USP20: variants seen among roughly 807,000 people sequenced by gnomAD.
The protein encoded by USP20 is ubiquitin carboxyl-terminal hydrolase 20.
In USP20, 80 loss-of-function variants were observed where a neutral mutation model predicts 124.2. That is an observed-to-expected ratio of 0.64 (90% confidence interval 0.54 to 0.78). The LOEUF (loss-of-function observed/expected upper bound fraction) is 0.78. Among genes scored for constraint, USP20 ranks in the 30% least tolerant of loss-of-function variants. The pLI is 0.00. For missense variants in USP20, 1,043 were observed against 1,244.4 expected (o/e 0.84, Z 2.44); for synonymous variants, 481 against 512.3 (o/e 0.94, Z 0.83).
intron 6 of USP20, among the ~76,000 whole-genome samples, chr9:129,860,569 A>G (rs981845635): frequency 2.6e-5 from 4 of 152,124 alleles, no homozygotes; most frequent in African/African-American, 9.7e-5. Context: ...TGGGCAATAT[A>G]AAAAGGTTAG....
intron 15 of USP20, 122 bp downstream of exon 15, chr9:129,870,669 C>T (rs1226632484): frequency 1.1e-5 from 13 of 1,162,824 alleles, no homozygotes; most frequent in Non-Finnish European, 1.2e-5. Context: ...CTAGACTTGG[C>T]TTCCAAGGTT....
At chr9:129,855,810 G>T (rs866477000) in intron 3 of USP20, among the ~76,000 whole-genome samples, 1 of 152,128 alleles carries the variant, frequency 6.6e-6, no homozygotes, top group African/African-American at 2.4e-5. Context: ...CGCCCAGACC[G>T]CCAGAAACCT....
chr9:129,875,085 A>C, intron 19 of USP20, 130 bp downstream of exon 19: 1 of 1,426,476 alleles, frequency 7.0e-7, no homozygotes, highest in East Asian at 2.5e-5. Context: ...GATTGTTAAG[A>C]AACAGCCCTC....
intron 22 of USP20, 133 bp from the exon 23 acceptor site, chr9:129,878,205 C>T: frequency 2.8e-6 from 2 of 712,248 alleles, no homozygotes; most frequent in East Asian, 2.8e-5. Flanking sequence ...TTTGATTTTT[C>T]ACCTTGAGTA....
intron 8 of USP20, 47 bp downstream of exon 8, chr9:129,861,659 C>T (rs1422918594): frequency 6.3e-7 from 1 of 1,585,830 alleles, no homozygotes; most frequent in Non-Finnish European, 8.7e-7. Context: ...CCTGGCAAAG[C>T]CCCGGAAACA....
Position 129,874,821 on chromosome 9 carries a change from C to T in USP20, c.1922-8C>T, listed in dbSNP as rs768721410. 1.5e-5 allele frequency: 24 copies of T among 1,613,956 alleles called. No homozygotes were observed. The highest frequency in any genetic ancestry group is 1.6e-4 in the Middle Eastern group (1 of 6,084). On this transcript the variant is annotated splice_region_variant and splice_polypyrimidine_tract_variant and intron_variant, in intron 18 of 25. Transcript: ENST00000372429. The stretch of plus-strand genomic sequence containing the variant: ...GATCCCTGTGACCCGTCTGCTCTGC[C>T]GCCGCAGGTGGGCACTACATCGCCT...
Position 129,845,498 on chromosome 9 carries a change from G to T in USP20, c.-128-4315G>T, listed in dbSNP as rs142553806. Reference sequence around the variant, plus strand: ...CAGCTCTCTCTCTAGTGAGAGAGGGGACTTCTGAGAGGAAAAGCATTTTTT... The same window carrying T: ...CAGCTCTCTCTCTAGTGAGAGAGGGTACTTCTGAGAGGAAAAGCATTTTTT... On this transcript the variant is annotated intron_variant, in intron 1 of 25. Transcript: ENST00000372429. 3.3e-3 allele frequency among the ~76,000 whole-genome samples: 495 copies of T among 152,276 alleles called. 9 individuals carry two copies. The South Asian group carries it at 0.048, about 15-fold the overall frequency.
At chr9:129,837,853 G>C (rs367933790) in intron 1 of USP20, among the ~76,000 whole-genome samples, 12 of 152,234 alleles carry the variant, frequency 7.9e-5, no homozygotes, top group African/African-American at 2.9e-4. Flanking sequence ...CTGTAAGCTT[G>C]AACTTTATTT....
chr9:129,878,548 G>GC (rs1282983963), intron 23 of USP20, 108 bp downstream of exon 23: 2 of 952,222 alleles, frequency 2.1e-6, no homozygotes. Flanking sequence ...CCCCATGCCT[G>GC]CCCCCAGGTG....
chr9:129,854,590 C>T (rs572459267), intron 3 of USP20, among the ~76,000 whole-genome samples: 2 of 152,186 alleles, frequency 1.3e-5, no homozygotes, highest in South Asian at 4.2e-4. Context: ...ATATAGATGT[C>T]ATCTGAATTG....
At chr9:129,867,555 G>A (rs1211467074) in intron 10 of USP20, among the ~76,000 whole-genome samples, 1 of 152,026 alleles carries the variant, frequency 6.6e-6, no homozygotes, top group South Asian at 2.1e-4. Context: ...CAGGACTCGG[G>A]TGAGTCCTCT....
At chr9:129,874,481 G>A (rs1326022483) in intron 17 of USP20, 95 bp from the exon 18 acceptor site, 1 of 1,505,724 alleles carries the variant, frequency 6.6e-7, no homozygotes, top group African/African-American at 1.4e-5. Flanking sequence ...GAGTCAGCTT[G>A]CATGATCCCA....
In USP20 at chr9:129,879,601, G is replaced by T. The variant is rs1423803764; in HGVS notation, c.2541G>T (p.Arg847Ser). The T allele has an allele frequency of 6.2e-7, 1 of 1,613,760 alleles. No individual in the cohort carries two copies. Among genetic ancestry groups the T allele is most frequent in the Non-Finnish European group, 8.5e-7 (1 of 1,180,006 alleles). Residue 847 changes from arginine to serine, a missense_variant, in exon 24 of 26, where the codon AGG (arginine) becomes AGT (serine). By Grantham distance (110) the Arg-to-Ser change is moderately radical. Coordinates refer to ENST00000372429, the MANE Select transcript of USP20 (RefSeq NM_001110303.4). This position sits in a 1 kb window ranked among gnomAD's most constrained non-coding sequence, Gnocchi z 4.2. ...NEPPGPIDNSRIAQVKGSGHV... is the reference protein window; with the variant it reads ...NEPPGPIDNSSIAQVKGSGHV... ...CCCCCGGGCCCATTGACAACAGCAG[G>T]ATTGCACAGGTCAAAGGAAGCGGCC...
chr9:129,872,206 G>A lies in USP20; in HGVS notation c.1661-1276G>A, dbSNP rs535487537. ...CTCACTCTGTCACCCAGGCTGGAGT[G>A]CAATGGCATGATCTTGGCTCACTGC... On this transcript the variant is annotated intron_variant, in intron 15 of 25. Transcript: ENST00000372429. Among the ~76,000 whole-genome samples, 75 of 152,044 alleles carry A rather than the reference G, an allele frequency of 4.9e-4. 1 individual carries two copies. The highest frequency in any genetic ancestry group is 1.7e-3 in the African/African-American group (69 of 41,456).
chr9:129,860,887 A>C (rs1348105479), intron 6 of USP20, 50 bp from the exon 7 acceptor site: 2 of 1,590,710 alleles, frequency 1.3e-6, no homozygotes, highest in South Asian at 2.2e-5. Context: ...TGGGCCTCTG[A>C]CCCCAGCCCC....
At chr9:129,878,234 C>A in intron 22 of USP20, 104 bp from the exon 23 acceptor site, 2 of 911,466 alleles carry the variant, frequency 2.2e-6, no homozygotes, top group Non-Finnish European at 3.5e-6. Flanking sequence ...TTTTGTAAGA[C>A]TCTTGGGTGA....
Position 129,880,218 on chromosome 9 carries a change from G to A in USP20, c.2690G>A (p.Gly897Asp). 6.2e-7 allele frequency: 1 copy of A among 1,613,374 alleles called. No homozygotes were observed. Residue 897 changes from glycine (G) to aspartate (D), a missense_variant, in exon 25 of 26, where the codon GGC (glycine) becomes GAC (aspartate). By Grantham distance (94) the Gly-to-Asp change is moderately conservative. Transcript: ENST00000372429. ...AIRQSVAQPL[G>D]PENLHGEQKI... ...CGCCAGAGTGTGGCGCAGCCGCTGG[G>A]CCCAGAGAACCTGCACGGGGAGCAG...
chr9:129,858,563 C>T lies in USP20; in HGVS notation c.295C>T (p.Pro99Ser), dbSNP rs746041872. The T allele has an allele frequency of 6.2e-7, 1 of 1,614,040 alleles. No individual in the cohort carries two copies. The highest frequency in any genetic ancestry group is 8.5e-7 in the Non-Finnish European group (1 of 1,180,024). Residue 99 changes from proline (P) to serine (S), a missense_variant, in exon 6 of 26, where the codon CCT (proline) becomes TCT (serine). By Grantham distance (74) the Pro-to-Ser change is moderately conservative. Coordinates refer to ENST00000372429, the MANE Select transcript of USP20 (RefSeq NM_001110303.4). Reference protein sequence around the residue: ...EVFLEQRLAAPLLGSSSKFSE... With the variant: ...EVFLEQRLAASLLGSSSKFSE... ...ATTCCTGGAGCAGCGGCTGGCAGCCCCTCTGCTGGGCTCCTCTTCCAAGTT... is the reference window on the plus strand; with the variant it reads ...ATTCCTGGAGCAGCGGCTGGCAGCCTCTCTGCTGGGCTCCTCTTCCAAGTT...
rs1455596361 is a variant in USP20 at position 129,870,517 on chromosome 9, G to A, written c.1630G>A (p.Ala544Thr). ...GPVVTLEDCL[A>T]AFFAADELKG... ...TGTCGTCACCCTGGAAGACTGCCTT[G>A]CTGCCTTCTTTGCCGCTGATGAGTT... The change falls in exon 15 of 26, where the codon GCT (alanine) becomes ACT (threonine). Residue 544 changes from alanine to threonine, a missense_variant. Coordinates refer to ENST00000372429, the MANE Select transcript of USP20 (RefSeq NM_001110303.4). 6.2e-7 allele frequency: 1 copy of A among 1,614,168 alleles called. No homozygotes were observed. Among genetic ancestry groups the A allele is most frequent in the Admixed American group, 1.7e-5 (1 of 60,020 alleles).
Sources: allele counts gnomAD v4.1 joint callset (sites outside exome capture counted in the v4.1 genomes callset), GRCh38; gene constraint gnomAD v4.1.1; non-coding constraint Gnocchi (gnomAD v3.1); transcripts MANE v1.5; gene names NCBI Gene and HGNC (gene_info 2026-07-23, HGNC 2026-07-21).